The following MCCC1 variants were observed in gnomAD, a reference collection of about 807,000 sequenced individuals.
MCCC1 encodes the protein methylcrotonoyl-CoA carboxylase subunit alpha, mitochondrial.
In MCCC1, 64 loss-of-function variants were observed where a neutral mutation model predicts 83.8. That is an observed-to-expected ratio of 0.76 (90% CI 0.62 to 0.94). The LOEUF (loss-of-function observed/expected upper bound fraction) is 0.94. Ranked by LOEUF, MCCC1 falls within the 40% of genes least tolerant of loss-of-function variation. The pLI, the probability that MCCC1 is intolerant of heterozygous loss-of-function variation, is 0.00. For synonymous variants in MCCC1, 322 were observed against 315.4 expected (o/e 1.02, Z -0.22); for missense variants, 807 against 904.7 (o/e 0.89, Z 1.39).
At chr3:183,112,260 A>G (rs941626647) in intron 1 of MCCC1, among the ~76,000 whole-genome samples, 4 of 152,214 alleles carry the variant, frequency 2.6e-5, no homozygotes, top group East Asian at 1.9e-4. Flanking sequence ...AGAACATCCA[A>G]CTAAAAATGA....
Position 183,057,358 on chromosome 3 carries a change from A to C in MCCC1, c.826T>G (p.Cys276Gly), listed in dbSNP as rs773433541. The change falls in exon 8 of 19, where the codon TGT (cysteine) becomes GGT (glycine). Residue 276 changes from cysteine (C) to glycine (G), a missense_variant. Physicochemically the swap from Cys to Gly is radical, Grantham distance 159. Coordinates refer to ENST00000265594, the MANE Select transcript of MCCC1 (RefSeq NM_020166.5). ...GNAVYLFERDCSVQRRHQKII... is the reference protein window; with the variant it reads ...GNAVYLFERDGSVQRRHQKII... ...TTCTGATGTCGCCTCTGCACACTAC[A>C]GTCTCTTTCAAACAAGTACACAGCA... is the stretch of plus-strand genomic sequence containing the variant. 1.2e-6 allele frequency: 2 copies of C among 1,610,978 alleles called. No homozygotes were observed. Among genetic ancestry groups the C allele is most frequent in the Admixed American group, 1.7e-5 (1 of 59,706 alleles).
At chr3:183,033,023 T>A (rs1713216382) in intron 14 of MCCC1, among the ~76,000 whole-genome samples, 1 of 152,220 alleles carries the variant, frequency 6.6e-6, no homozygotes. Context: ...ATACCAGAAC[T>A]GTCACAGTTC....
At position 183,071,121 on chromosome 3, in the gene MCCC1, C is replaced by T. The variant is rs727504005; in HGVS notation, c.640-1G>A. On this transcript the variant is annotated splice_acceptor_variant, in intron 6 of 18. Transcript: ENST00000265594. LOFTEE classifies it high-confidence loss of function. ...GTTCTGATCTAACAATCCTCATTCC[C>T]TAAGAGAGAAAAGATGATTATGACT... The T allele has an allele frequency of 1.2e-6, 2 of 1,614,118 alleles. No homozygotes were observed. Among genetic ancestry groups the T allele is most frequent in the African/African-American group, 1.3e-5 (1 of 75,008 alleles).
chr3:183,103,591 G>C (rs551612272), upstream of MCCC1, among the ~76,000 whole-genome samples: 250 of 152,216 alleles, frequency 1.6e-3, 1 homozygote, highest in African/African-American at 5.8e-3. Flanking sequence ...GTGCTGATTG[G>C]TGTGTTTACA....
chr3:183,025,139 A>C (rs1297130920), intron 15 of MCCC1, among the ~76,000 whole-genome samples: 1 of 152,114 alleles, frequency 6.6e-6, no homozygotes, highest in Admixed American at 6.6e-5. Context: ...TTCTCAGGGG[A>C]TGGGGGAAGA....
intron 12 of MCCC1, 136 bp downstream of exon 12, chr3:183,038,890 G>A (rs2108473534): frequency 2.5e-6 from 2 of 797,726 alleles, no homozygotes; most frequent in Non-Finnish European, 4.3e-6. Context: ...ATTCTCCCAT[G>A]TGAAACTATT....
In MCCC1 at chr3:183,042,512, A is replaced by G. The variant is rs929831564; in HGVS notation, c.1084-762T>C. Among the ~76,000 whole-genome samples the G allele has an allele frequency of 2.0e-5, 3 of 152,248 alleles. No homozygotes were observed. The South Asian group carries it at 6.2e-4, about 32-fold the overall frequency. On this transcript the variant is annotated intron_variant, in intron 10 of 18. Coordinates refer to ENST00000265594, the MANE Select transcript of MCCC1 (RefSeq NM_020166.5). ...CCTGAGAAAGCAATATAGATACAGG[A>G]AAATCTAGACTCTAAGTAACTTAGC...
intron 8 of MCCC1, among the ~76,000 whole-genome samples, chr3:183,053,923 G>A (rs1577299790): frequency 2.0e-5 from 3 of 147,826 alleles, no homozygotes; most frequent in African/African-American, 7.5e-5. Context: ...TGTTGCCCAG[G>A]CTGGAGTGCA....
chr3:183,017,487 A>G, intron 17 of MCCC1, 150 bp from the exon 18 acceptor site: 3 of 747,184 alleles, frequency 4.0e-6, no homozygotes, highest in South Asian at 1.6e-5. Context: ...CATAAATAAA[A>G]AGAAAAAAAA....
intron 9 of MCCC1, among the ~76,000 whole-genome samples, chr3:183,051,274 G>T (rs1714954428): frequency 1.3e-5 from 2 of 152,154 alleles, no homozygotes; most frequent in African/African-American, 4.8e-5. Flanking sequence ...AAGCAACCAA[G>T]ATGTCCTTCA....
chr3:183,062,155 A>G (rs1970864), intron 7 of MCCC1, among the ~76,000 whole-genome samples: 84,184 of 151,880 alleles, frequency 0.55, 28,711 homozygotes, highest in Non-Finnish European at 0.76. Flanking sequence ...TTTCCTTTAT[A>G]AATTATCCAG....
intron 4 of MCCC1, among the ~76,000 whole-genome samples, chr3:183,081,962 G>A (rs566018834): frequency 6.6e-6 from 1 of 152,194 alleles, no homozygotes; most frequent in Non-Finnish European, 1.5e-5. Context: ...GTGCAGCTGC[G>A]GGCATGGGAG....
chr3:183,085,325 C>A (rs1203630379), intron 4 of MCCC1, among the ~76,000 whole-genome samples: 1 of 152,026 alleles, frequency 6.6e-6, no homozygotes, highest in Non-Finnish European at 1.5e-5. Flanking sequence ...CTTTAAAAAA[C>A]CTCCCAATGG....
upstream of MCCC1, among the ~76,000 whole-genome samples, chr3:183,100,337 A>T (rs1203204087): frequency 3.9e-5 from 6 of 152,246 alleles, no homozygotes; most frequent in East Asian, 1.2e-3. Context: ...AGATCCTGGA[A>T]GAGACAAAAT....
intron 5 of MCCC1, among the ~76,000 whole-genome samples, 160 bp from the exon 6 acceptor site, chr3:183,071,517 T>C (rs1359996242): frequency 2.6e-5 from 4 of 152,320 alleles, no homozygotes; most frequent in Admixed American, 6.5e-5. Flanking sequence ...TGTCTATTAG[T>C]TAGTTTCCCT....
intron 12 of MCCC1, among the ~76,000 whole-genome samples, chr3:183,038,406 G>A (rs974524056): frequency 1.3e-5 from 2 of 152,084 alleles, no homozygotes; most frequent in African/African-American, 4.8e-5. Context: ...TCTCAGAAGC[G>A]GTGAGGCGGC....
chr3:183,055,278 G>C (rs1211024840), intron 8 of MCCC1, among the ~76,000 whole-genome samples: 5 of 152,046 alleles, frequency 3.3e-5, no homozygotes, highest in African/African-American at 1.2e-4. Flanking sequence ...CGGGTGTGGT[G>C]GTGGGTGCCT....
intron 13 of MCCC1, 58 bp from the exon 14 acceptor site, chr3:183,034,135 C>T: frequency 2.5e-6 from 3 of 1,199,272 alleles, no homozygotes; most frequent in South Asian, 1.2e-5. Context: ...ATGAAATTTA[C>T]ACCTTACAAA....
intron 7 of MCCC1, among the ~76,000 whole-genome samples, chr3:183,060,495 C>T (rs1490865710): frequency 2.0e-5 from 3 of 152,178 alleles, no homozygotes; most frequent in Non-Finnish European, 4.4e-5. Context: ...TGACATAACA[C>T]AAATCAGCTA....
Sources: allele counts gnomAD v4.1 joint callset (sites outside exome capture counted in the v4.1 genomes callset), GRCh38; gene constraint gnomAD v4.1.1; transcripts MANE v1.5; gene names NCBI Gene and HGNC (gene_info 2026-07-23, HGNC 2026-07-21).